Variants in METAP2 observed in about 807,000 individuals in gnomAD.
METAP2 encodes the protein methionyl aminopeptidase 2.
Under a neutral mutation model 59.4 loss-of-function variants are expected in METAP2, and 25 were observed. The observed-to-expected ratio is 0.42, with a 90% confidence interval of 0.31 to 0.59. The LOEUF (loss-of-function observed/expected upper bound fraction) is 0.59, where lower values mean the gene tolerates loss of function less well. METAP2 is among the 20% of genes least tolerant of loss of function. The pLI is 0.16. For missense variants in METAP2, 366 were observed against 581.2 expected, an observed-to-expected ratio of 0.63 and a Z score of 3.81; for synonymous variants, 214 against 194.1, an observed-to-expected ratio of 1.10 and a Z score of -0.85.
At chr12:95,491,818 A>G (rs2076239775) in intron 4 of METAP2, among the ~76,000 whole-genome samples, 2 of 143,228 alleles carry the variant, frequency 1.4e-5, no homozygotes, top group South Asian at 4.5e-4. Flanking sequence ...GGTCATTACT[A>G]TTTTTTGAGA....
chr12:95,486,946 G>T (rs966961252), intron 4 of METAP2, among the ~76,000 whole-genome samples: 7 of 152,224 alleles, frequency 4.6e-5, no homozygotes, highest in African/African-American at 1.7e-4. Flanking sequence ...CATATTGAGA[G>T]CATGGAAGCT....
chr12:95,503,983 C>T (rs2076336418), intron 7 of METAP2, 82 bp from the exon 8 acceptor site: 1 of 1,002,488 alleles, frequency 1.0e-6, no homozygotes, highest in Admixed American at 2.1e-5. Context: ...CTGATTGTCC[C>T]TTGTTTTTAA....
chr12:95,477,311 G>C (rs540083329), intron 2 of METAP2, among the ~76,000 whole-genome samples: 3 of 152,140 alleles, frequency 2.0e-5, no homozygotes, highest in African/African-American at 7.2e-5. Flanking sequence ...GGTTGGTCTT[G>C]AACTCCTGAC....
intron 4 of METAP2, among the ~76,000 whole-genome samples, chr12:95,490,156 C>T (rs139000803): frequency 1.7e-4 from 26 of 150,062 alleles, no homozygotes; most frequent in African/African-American, 6.4e-4. Flanking sequence ...GGCTGGAATA[C>T]AGCGGTGTGA....
intron 2 of METAP2, among the ~76,000 whole-genome samples, chr12:95,476,845 T>G (rs1336075388): frequency 6.6e-6 from 1 of 152,206 alleles, no homozygotes; most frequent in Non-Finnish European, 1.5e-5. Flanking sequence ...TTCACATACA[T>G]TCACATTTTA....
At chr12:95,509,277 A>G (rs920086369) in intron 8 of METAP2, among the ~76,000 whole-genome samples, 2 of 152,232 alleles carry the variant, frequency 1.3e-5, no homozygotes, top group South Asian at 2.1e-4. Flanking sequence ...TAAGCTTGTT[A>G]CTTGTCAACC....
At chr12:95,513,063 G>T in intron 10 of METAP2, 147 bp downstream of exon 10, 1 of 508,638 alleles carries the variant, frequency 2.0e-6, no homozygotes, top group Non-Finnish European at 3.5e-6. Flanking sequence ...AAAATAGCCT[G>T]TTAAACATTT....
At chr12:95,477,301 G>A (rs1380518611) in intron 2 of METAP2, among the ~76,000 whole-genome samples, 1 of 152,014 alleles carries the variant, frequency 6.6e-6, no homozygotes, top group Non-Finnish European at 1.5e-5. Context: ...GGTTTTGCCA[G>A]GTTGGTCTTG....
At chr12:95,512,187 T>C (rs957097849) in intron 9 of METAP2, among the ~76,000 whole-genome samples, 189 bp downstream of exon 9, 9 of 152,158 alleles carry the variant, frequency 5.9e-5, no homozygotes, top group East Asian at 1.9e-4. Context: ...GTTGTGGAAA[T>C]TGGGGCTGTG....
At chr12:95,508,542 C>G (rs1253996633) in intron 8 of METAP2, among the ~76,000 whole-genome samples, 2 of 152,204 alleles carry the variant, frequency 1.3e-5, no homozygotes, top group South Asian at 2.1e-4. Context: ...GGAGTACACA[C>G]TGTAGCAGTC....
At chr12:95,486,639 A>C (rs2076199071) in intron 4 of METAP2, among the ~76,000 whole-genome samples, 1 of 151,978 alleles carries the variant, frequency 6.6e-6, no homozygotes, top group Admixed American at 6.6e-5. Flanking sequence ...CTGAGATTAC[A>C]CGCATGCACC....
intron 8 of METAP2, among the ~76,000 whole-genome samples, chr12:95,507,506 C>T (rs938581193): frequency 1.3e-5 from 2 of 152,240 alleles, no homozygotes; most frequent in Admixed American, 6.5e-5. Context: ...CCATCTTCTC[C>T]CTATTCTTAT....
Position 95,487,655 on chromosome 12 carries a change from A to G in METAP2, c.428+1674A>G, listed in dbSNP as rs1031987766. ...CCTTCCAGACCCATGTTAACCACCT[A>G]GCAGGTAGCCTTCCATATTTTTTCT... On this transcript the variant is annotated intron_variant, in intron 4 of 10. Coordinates refer to ENST00000323666, the MANE Select transcript of METAP2 (RefSeq NM_006838.4). 2.7e-5 allele frequency among the ~76,000 whole-genome samples: 4 copies of G among 146,184 alleles called. No individual in the cohort carries two copies. The East Asian group carries it at 6.0e-4, about 22-fold the overall frequency.
chr12:95,491,665 C>T (rs1366782109), intron 4 of METAP2, among the ~76,000 whole-genome samples: 2 of 151,952 alleles, frequency 1.3e-5, no homozygotes, highest in East Asian at 3.9e-4. Flanking sequence ...TGTGCACTGT[C>T]TTGCCTGGGT....
At chr12:95,496,162 C>A in intron 7 of METAP2, 64 bp downstream of exon 7, 1 of 1,055,514 alleles carries the variant, frequency 9.5e-7, no homozygotes, top group Admixed American at 2.0e-5. Context: ...CTTTTAAACA[C>A]TTAACAGCAT....
intron 4 of METAP2, among the ~76,000 whole-genome samples, chr12:95,488,879 C>T (rs1051216902): frequency 1.4e-5 from 2 of 143,736 alleles, no homozygotes; most frequent in African/African-American, 2.8e-5. Flanking sequence ...GTCATATAGC[C>T]TTACACACAC....
intron 4 of METAP2, among the ~76,000 whole-genome samples, chr12:95,489,533 C>T (rs1427020850): frequency 6.6e-6 from 1 of 152,152 alleles, no homozygotes; most frequent in Non-Finnish European, 1.5e-5. Context: ...GCAAATAGAT[C>T]AGATTCAGTA....
intron 2 of METAP2, among the ~76,000 whole-genome samples, chr12:95,479,712 G>T (rs2076145189): frequency 6.6e-6 from 1 of 151,520 alleles, no homozygotes; most frequent in Admixed American, 6.6e-5. Flanking sequence ...GGGTTCCAGC[G>T]ATTCTCCTGC....
chr12:95,495,211 G>A, intron 6 of METAP2, 73 bp downstream of exon 6: 1 of 1,275,410 alleles, frequency 7.8e-7, no homozygotes, highest in Admixed American at 2.0e-5. Flanking sequence ...TAAATGGAGT[G>A]ATAAATACTG....
Sources: gnomAD v4.1 joint callset for allele counts (sites outside exome capture counted in the v4.1 genomes callset) on GRCh38, gnomAD v4.1.1 for gene constraint, MANE v1.5 for transcripts, NCBI Gene and HGNC (gene_info 2026-07-23, HGNC 2026-07-21) for gene names.